The following RASEF variants were observed in gnomAD, a reference collection of about 807,000 sequenced individuals.
RASEF encodes the protein RAS and EF-hand domain containing.
A neutral mutation model predicts 90.1 loss-of-function variants in RASEF; 68 were observed. That is an observed-to-expected ratio of 0.75 (90% CI 0.62 to 0.92). The LOEUF is 0.92. RASEF is among the 40% of genes least tolerant of loss of function. The pLI is 0.00. For synonymous variants in RASEF, 331 were observed against 345.2 expected (o/e 0.96, Z 0.46); for missense variants, 949 against 937.2 (o/e 1.01, Z -0.16).
chr9:83,192,642 C>T, the RASEF span, among the ~76,000 whole-genome samples: 7 of 151,136 alleles, frequency 4.6e-5, no homozygotes, highest in African/African-American at 7.3e-5. Context: ...ATAATCTGTA[C>T]GACAAACCCC....
chr9:83,160,990 G>A, the RASEF span, among the ~76,000 whole-genome samples: 21 of 152,260 alleles, frequency 1.4e-4, no homozygotes, highest in Middle Eastern at 3.4e-3. Context: ...CCTAGATTTC[G>A]GAAGATATAT....
chr9:83,120,934 ATAGGCCAGGGCTCAGCTC>A, the RASEF span, among the ~76,000 whole-genome samples: 3 of 152,194 alleles, frequency 2.0e-5, no homozygotes, highest in Non-Finnish European at 4.4e-5. Context: ...ATGCACCTCT[ATAGGCCAGGGCTCAGCTC>A]TCAGGTTTTG....
At chr9:83,196,347 C>T in the RASEF span, among the ~76,000 whole-genome samples, 127 of 152,146 alleles carry the variant, frequency 8.3e-4, no homozygotes, top group African/African-American at 2.9e-3. Context: ...GAGCTGTGGG[C>T]TGTCATGTAG....
chr9:83,017,858 G>C (rs1252993773), intron 3 of RASEF, among the ~76,000 whole-genome samples: 1 of 152,116 alleles, frequency 6.6e-6, no homozygotes, highest in African/African-American at 2.4e-5. Context: ...TAACTAATTA[G>C]GGCCTAGCTC....
intron 1 of RASEF, among the ~76,000 whole-genome samples, chr9:83,061,296 T>C (rs1380272595): frequency 6.6e-6 from 1 of 152,156 alleles, no homozygotes; most frequent in South Asian, 2.1e-4. Flanking sequence ...CTTTCCAAGC[T>C]GGAGGGAGAA....
the RASEF span, among the ~76,000 whole-genome samples, chr9:83,198,055 G>C: frequency 2.0e-5 from 3 of 152,100 alleles, no homozygotes; most frequent in Non-Finnish European, 2.9e-5. Flanking sequence ...TCATCACTCT[G>C]GTCTGAGAAA....
chr9:83,179,795 AACACACACACAT>A, the RASEF span, among the ~76,000 whole-genome samples: 1 of 152,006 alleles, frequency 6.6e-6, no homozygotes, highest in Admixed American at 6.6e-5. Flanking sequence ...ATTTGTGTAA[AACACACACACAT>A]ACACACACAC....
At chr9:83,104,103 A>AC in the RASEF span, among the ~76,000 whole-genome samples, 1 of 152,230 alleles carries the variant, frequency 6.6e-6, no homozygotes, top group African/African-American at 2.4e-5. Flanking sequence ...CAGCCTCAGA[A>AC]ATCTTGGTGT....
the RASEF span, among the ~76,000 whole-genome samples, chr9:83,088,291 ATCTC>A: frequency 8.5e-5 from 13 of 152,070 alleles, no homozygotes; most frequent in South Asian, 2.1e-4. Flanking sequence ...AGACATAGGT[ATCTC>A]TCTCTATATT....
chr9:83,062,822 C>CT lies in RASEF; in HGVS notation c.45dup (p.Val16SerfsTer44). 6.4e-7 allele frequency: 1 copy of CT among 1,552,778 alleles called. No homozygotes were observed. Among genetic ancestry groups the CT allele is most frequent in the Non-Finnish European group, 8.6e-7 (1 of 1,160,350 alleles). ...CGGTTCGCGTCGCAGGCGGCGAAGA[C>CT]TGAGCGCAGCCGGGCCAGCTCCTCT... is the stretch of plus-strand genomic sequence containing the variant. On this transcript the variant is annotated frameshift_variant, in exon 1 of 17. Transcript: ENST00000376447. LOFTEE classifies it high-confidence loss of function.
chr9:83,112,456 G>A, the RASEF span, among the ~76,000 whole-genome samples: 62 of 152,272 alleles, frequency 4.1e-4, no homozygotes, highest in Non-Finnish European at 7.1e-4. Context: ...AGGCCGAGGC[G>A]GGTGAATCAC....
chr9:83,093,665 C>G, the RASEF span, among the ~76,000 whole-genome samples: 4 of 152,324 alleles, frequency 2.6e-5, no homozygotes, highest in South Asian at 2.1e-4. Context: ...CGCACGCAGC[C>G]CCGGTTCCCG....
At chr9:83,077,857 G>A in the RASEF span, among the ~76,000 whole-genome samples, 3 of 152,160 alleles carry the variant, frequency 2.0e-5, no homozygotes, top group African/African-American at 4.8e-5. Context: ...GGAGGGAACA[G>A]CAGCCCAGGA....
the RASEF span, chr9:83,202,130 A>AC: frequency 6.5e-6 from 1 of 152,796 alleles, no homozygotes. Flanking sequence ...TCCAAAAAAA[A>AC]AAGAAAAACC....
At chr9:83,092,781 G>A in the RASEF span, among the ~76,000 whole-genome samples, 1 of 152,100 alleles carries the variant, frequency 6.6e-6, no homozygotes, top group East Asian at 1.9e-4. Context: ...CTTTGACCGG[G>A]TGCTGATTGG....
At chr9:83,153,186 C>T in the RASEF span, among the ~76,000 whole-genome samples, 2 of 152,092 alleles carry the variant, frequency 1.3e-5, no homozygotes, top group Admixed American at 6.6e-5. Flanking sequence ...TTAAAAGATA[C>T]ATTATTAACA....
At chr9:83,177,693 T>C in the RASEF span, among the ~76,000 whole-genome samples, 1 of 152,094 alleles carries the variant, frequency 6.6e-6, no homozygotes, top group Non-Finnish European at 1.5e-5. Context: ...ATCTTTGGCT[T>C]TCAGCAATTT....
chr9:83,000,445 T>C lies in RASEF; in HGVS notation c.1563A>G (p.Ala521=), dbSNP rs768095672. Residue 521 remains alanine, a synonymous_variant, in exon 11 of 17, where the codon GCA becomes GCG. Transcript: ENST00000376447. ...GGAGACCACCTACCTGGGGCGAGAG[T>C]GCTGAGATGGGCTTTCTTGATGAAC... ...IVSSSRKPIS[A]LSPQTDLVDD... is the part of the protein sequence containing the mutation. The C allele has an allele frequency of 5.6e-6, 9 of 1,613,610 alleles. 1 individual carries two copies. The highest frequency in any genetic ancestry group is 7.6e-6 in the Non-Finnish European group (9 of 1,179,938).
At chr9:83,076,241 A>G in the RASEF span, among the ~76,000 whole-genome samples, 1 of 152,126 alleles carries the variant, frequency 6.6e-6, no homozygotes, top group Admixed American at 6.6e-5. Context: ...AAAAGATAAG[A>G]TATTCAAATA....
Sources: allele counts gnomAD v4.1 joint callset (sites outside exome capture counted in the v4.1 genomes callset), GRCh38; gene constraint gnomAD v4.1.1; transcripts MANE v1.5; gene names NCBI Gene and HGNC (gene_info 2026-07-23, HGNC 2026-07-21).